ADCY5: variants seen among roughly 807,000 people sequenced by gnomAD.
ADCY5 encodes adenylate cyclase type 5.
A neutral mutation model predicts 119.7 loss-of-function variants in ADCY5; 30 were observed. That is an observed-to-expected ratio of 0.25 (90% CI 0.19 to 0.34). ADCY5 has a LOEUF of 0.34. ADCY5 is among the 10% of genes least tolerant of loss of function. ADCY5 has a pLI of 1.00. For missense variants in ADCY5, 1,324 were observed against 1,775.2 expected (o/e 0.75, Z 4.57); for synonymous variants, 753 against 762.2 (o/e 0.99, Z 0.20).
intron 1 of ADCY5, among the ~76,000 whole-genome samples, chr3:123,417,230 C>G (rs1052685220): frequency 3.3e-5 from 5 of 152,294 alleles, no homozygotes; most frequent in Middle Eastern, 3.4e-3. Context: ...CAGGTTCCCC[C>G]CTACCCCACC....
chr3:123,346,442 C>T (rs1332689595), intron 3 of ADCY5, among the ~76,000 whole-genome samples: 2 of 152,164 alleles, frequency 1.3e-5, no homozygotes, highest in African/African-American at 4.8e-5. Flanking sequence ...TATGCAGATA[C>T]ATGTCTCTCC....
intron 3 of ADCY5, among the ~76,000 whole-genome samples, chr3:123,339,394 G>A (rs1942172455): frequency 2.0e-5 from 3 of 152,166 alleles, no homozygotes; most frequent in Non-Finnish European, 2.9e-5. Context: ...CCAGAGGGCT[G>A]TTTTCCAAGG....
chr3:123,301,758 C>T (rs983987016), intron 14 of ADCY5, among the ~76,000 whole-genome samples: 1 of 152,256 alleles, frequency 6.6e-6, no homozygotes, highest in Non-Finnish European at 1.5e-5. Context: ...GCCTCTGCTC[C>T]TCATAAACAG....
chr3:123,398,174 T>A (rs1944656782), intron 1 of ADCY5, among the ~76,000 whole-genome samples: 1 of 152,154 alleles, frequency 6.6e-6, no homozygotes, highest in South Asian at 2.1e-4. Flanking sequence ...GCTCTCCCAG[T>A]ACCTGGAGGT....
In ADCY5 at chr3:123,286,396, A is replaced by C. The variant is rs1227061406; in HGVS notation, c.3657+289T>G. Among the ~76,000 whole-genome samples, 2 of 151,922 alleles carry C rather than the reference A, an allele frequency of 1.3e-5. No individual in the cohort carries two copies. The highest frequency in any genetic ancestry group is 2.9e-5 in the Non-Finnish European group (2 of 67,934). ...AGGAGGCACTGGGGCCTGCATGTGC[A>C]CTCTCAGCTCGGCCTCTACAATCAG... On this transcript the variant is annotated intron_variant, in intron 20 of 20. Transcript: ENST00000462833. This position sits in a 1 kb window ranked among gnomAD's most constrained non-coding sequence, Gnocchi z 4.2.
intron 1 of ADCY5, among the ~76,000 whole-genome samples, chr3:123,383,432 G>A (rs1944101204): frequency 6.6e-6 from 1 of 152,236 alleles, no homozygotes; most frequent in Admixed American, 6.5e-5. Flanking sequence ...GCTTTATGTG[G>A]CAACTGTCAA....
chr3:123,294,749 C>G (rs955189552), intron 17 of ADCY5, among the ~76,000 whole-genome samples: 4 of 152,190 alleles, frequency 2.6e-5, no homozygotes, highest in Non-Finnish European at 5.9e-5. Context: ...TGCCGCACCC[C>G]TGCTGATCGC....
intron 1 of ADCY5, among the ~76,000 whole-genome samples, chr3:123,374,282 T>C (rs1943747307): frequency 6.6e-6 from 1 of 152,138 alleles, no homozygotes; most frequent in Non-Finnish European, 1.5e-5. Flanking sequence ...GAGCGACAGA[T>C]GATGAAGCTG....
rs79165602 is a variant in ADCY5 at position 123,307,434 on chromosome 3, A to T, written c.2443-3251T>A. On this transcript the variant is annotated intron_variant, in intron 12 of 20. Coordinates refer to ENST00000462833, the MANE Select transcript of ADCY5 (RefSeq NM_183357.3). Reference sequence around the variant, plus strand: ...ATTTGAAAGTGCTCTGTAAGCTGTTAAACGCAACAGAAAAGTTAGTTAATA... The same window carrying T: ...ATTTGAAAGTGCTCTGTAAGCTGTTTAACGCAACAGAAAAGTTAGTTAATA... Among the ~76,000 whole-genome samples the T allele has an allele frequency of 2.9e-3, 438 of 152,346 alleles. 3 individuals are homozygous for T. The highest frequency in any genetic ancestry group is 0.01 in the African/African-American group (419 of 41,584).
chr3:123,448,644 G>C lies in ADCY5; in HGVS notation c.-99C>G. 1 of 1,150,138 alleles carries C rather than the reference G, an allele frequency of 8.7e-7. No homozygotes were observed. Among genetic ancestry groups the C allele is most frequent in the African/African-American group, 1.6e-5 (1 of 62,636 alleles). The allele number at this position is 1,150,138 out of a possible 1,614,324, so 71.2% of individuals were successfully genotyped here. A position where few individuals can be genotyped will look rare whatever the true frequency, so the allele number is the denominator to read the frequency against. On this transcript the variant is annotated 5_prime_UTR_variant, in exon 1 of 21. Transcript: ENST00000462833. ...CGGCCGAGCAGGGGGACCAGGCTAG[G>C]GTCACACGTCGGGGGCGGCCCGGGG... is the stretch of plus-strand genomic sequence containing the variant.
At chr3:123,433,861 G>A (rs1476053821) in intron 1 of ADCY5, among the ~76,000 whole-genome samples, 1 of 152,088 alleles carries the variant, frequency 6.6e-6, no homozygotes, top group African/African-American at 2.4e-5. Flanking sequence ...CCTCTTCTGG[G>A]TCTCAGTCCC....
chr3:123,337,229 T>G (rs1942065800), intron 3 of ADCY5, among the ~76,000 whole-genome samples: 1 of 152,160 alleles, frequency 6.6e-6, no homozygotes, highest in African/African-American at 2.4e-5. Context: ...GAGGGAGAGA[T>G]TTTATCTACT....
intron 3 of ADCY5, among the ~76,000 whole-genome samples, chr3:123,344,418 C>T (rs1390164973): frequency 6.6e-6 from 1 of 152,124 alleles, no homozygotes; most frequent in Non-Finnish European, 1.5e-5. Context: ...TCACAATTAC[C>T]GAACACTTGT....
intron 3 of ADCY5, among the ~76,000 whole-genome samples, chr3:123,339,505 G>A (rs1027319817): frequency 2.0e-5 from 3 of 152,210 alleles, no homozygotes; most frequent in Non-Finnish European, 2.9e-5. Flanking sequence ...AAGGCCTATG[G>A]GAGCCTGCTG....
Position 123,448,150 on chromosome 3 carries a change from A to AG in ADCY5, c.395dup (p.Ala133CysfsTer195). The AG allele has an allele frequency of 9.6e-7, 1 of 1,041,458 alleles. No homozygotes were observed. Among genetic ancestry groups the AG allele is most frequent in the Non-Finnish European group, 1.1e-6 (1 of 872,180 alleles). The allele number at this position is 1,041,458 out of a possible 1,614,324, so 64.5% of individuals were successfully genotyped here. ...CCGCCGAGCCGCCGCCGCCGCCCGCAGGGGGCGCCCGGGTGCTGCCCCCGC... is the reference window on the plus strand; with the variant it reads ...CCGCCGAGCCGCCGCCGCCGCCCGCAGGGGGGCGCCCGGGTGCTGCCCCCGC... On this transcript the variant is annotated frameshift_variant, in exon 1 of 21. Transcript: ENST00000462833. LOFTEE classifies it high-confidence loss of function.
chr3:123,444,242 C>A (rs1459989187), intron 1 of ADCY5, among the ~76,000 whole-genome samples: 2 of 152,088 alleles, frequency 1.3e-5, no homozygotes, highest in African/African-American at 4.8e-5. Context: ...AAAAAACAAC[C>A]CCGTGACGCT....
intron 11 of ADCY5, among the ~76,000 whole-genome samples, chr3:123,316,735 A>AT (rs1940929636): frequency 6.6e-6 from 1 of 152,202 alleles, no homozygotes; most frequent in South Asian, 2.1e-4. Flanking sequence ...GGAAGTTTCA[A>AT]TATGGACTGG....
chr3:123,314,881 C>A (rs1354543158), intron 11 of ADCY5, among the ~76,000 whole-genome samples: 4 of 149,974 alleles, frequency 2.7e-5, no homozygotes, highest in Non-Finnish European at 5.9e-5. Context: ...CTAAGCGCCA[C>A]CCCCTTTCCA....
At chr3:123,293,470 G>C (rs1011981121) in intron 17 of ADCY5, among the ~76,000 whole-genome samples, 1 of 152,152 alleles carries the variant, frequency 6.6e-6, no homozygotes, top group African/African-American at 2.4e-5. Flanking sequence ...GAAAACTTGA[G>C]GGAGAGAAGT....
Sources: gnomAD v4.1 joint callset for allele counts (sites outside exome capture counted in the v4.1 genomes callset) on GRCh38, gnomAD v4.1.1 for gene constraint, Gnocchi (gnomAD v3.1) non-coding constraint, MANE v1.5 for transcripts, NCBI Gene and HGNC (gene_info 2026-07-23, HGNC 2026-07-21) for gene names.